The following PFKM variants were observed in gnomAD, a reference collection of about 807,000 sequenced individuals.
The protein encoded by PFKM is ATP-dependent 6-phosphofructokinase, muscle type.
PFKM carries 58 observed loss-of-function variants against 95.5 expected under a neutral mutation model. The ratio of observed to expected loss-of-function variants is 0.61; its 90% confidence interval spans 0.49 to 0.76. The LOEUF (loss-of-function observed/expected upper bound fraction) is 0.76, where lower values mean the gene tolerates loss of function less well. Ranked by LOEUF, PFKM falls within the 30% of genes least tolerant of loss-of-function variation. PFKM has a pLI of 0.00. For missense variants in PFKM, 678 were observed against 1,005.4 expected (o/e 0.67, Z 4.40); for synonymous variants, 336 against 357.2 (o/e 0.94, Z 0.67).
chr12:48,131,565 C>T, intron 4 of PFKM, 172 bp downstream of exon 4: 2 of 669,478 alleles, frequency 3.0e-6, no homozygotes, highest in South Asian at 1.6e-5. Flanking sequence ...AAATACCACC[C>T]TGGTTTCCTG....
At position 48,132,140 on chromosome 12, in the gene PFKM, C is replaced by G. The variant is rs559434129; in HGVS notation, c.238-728C>G. 8 of 452,574 alleles carry G rather than the reference C, an allele frequency of 1.8e-5. No homozygotes were observed. In the East Asian group the frequency reaches 3.5e-4, roughly 20 times the overall value. The allele number at this position is 452,574 out of a possible 1,614,324, so 28.0% of individuals were successfully genotyped here. A position where few individuals can be genotyped will look rare whatever the true frequency, so the allele number is the denominator to read the frequency against. ...TCTGAGAATGAGCCAGAATTCTCCACCAGTATCCCAAAGTCATGGCTGCCC... is the reference window on the plus strand; with the variant it reads ...TCTGAGAATGAGCCAGAATTCTCCAGCAGTATCCCAAAGTCATGGCTGCCC... On this transcript the variant is annotated intron_variant, in intron 4 of 22. Coordinates refer to ENST00000359794, the MANE Select transcript of PFKM (RefSeq NM_000289.6).
chr12:48,143,817 A>G lies in PFKM; in HGVS notation c.1880+3A>G. 6.2e-7 allele frequency: 1 copy of G among 1,606,790 alleles called. No individual in the cohort carries two copies. The highest frequency in any genetic ancestry group is 8.5e-7 in the Non-Finnish European group (1 of 1,173,194). ...GTGAAAAGGGGCTTGGTGTTAAGGT[A>G]CCTCATCCATGGTTTGTTCCTAAAT... On this transcript the variant is annotated splice_donor_region_variant and intron_variant, in intron 19 of 22. Transcript: ENST00000359794.
intron 11 of PFKM, 40 bp from the exon 12 acceptor site, chr12:48,139,245 T>C: frequency 6.6e-7 from 1 of 1,525,474 alleles, no homozygotes; most frequent in African/African-American, 1.4e-5. Flanking sequence ...TGCAGAATCC[T>C]GACCCTGGAG....
upstream of PFKM, among the ~76,000 whole-genome samples, chr12:48,116,871 A>G (rs1947727319): frequency 6.6e-6 from 1 of 152,262 alleles, no homozygotes; most frequent in Non-Finnish European, 1.5e-5. Context: ...GCTAAGTTCC[A>G]TAGTTTACAT....
Position 48,139,870 on chromosome 12 carries a change from G to A in PFKM, c.1149G>A (p.Glu383=), listed in dbSNP as rs765367927. The stretch of plus-strand genomic sequence containing the variant: ...ACAGGAGCTTCATGAACAACTGGGA[G>A]GTGTACAAGCTTCTAGCTCATGTCA... ...LRGRSFMNNW[E]VYKLLAHVRP... is the part of the protein sequence containing the mutation. The change falls in exon 13 of 23, where the codon GAG becomes GAA. Residue 383 remains glutamate, a synonymous_variant. Coordinates refer to ENST00000359794, the MANE Select transcript of PFKM (RefSeq NM_000289.6). 32 of 1,612,154 alleles carry A rather than the reference G, an allele frequency of 2.0e-5. No individual in the cohort carries two copies. The highest frequency in any genetic ancestry group is 2.5e-5 in the Non-Finnish European group (30 of 1,178,324).
chr12:48,106,078 GCAAAACCCGGGAAC>G, exon 1 of PFKM: 1 of 702,546 alleles, frequency 1.4e-6, no homozygotes, highest in Non-Finnish European at 2.6e-6. Flanking sequence ...GGCGCGGAAC[GCAAAACCCGGGAAC>G]CGCCGCGAAC....
upstream of PFKM, chr12:48,105,498 T>C: frequency 1.9e-6 from 1 of 519,106 alleles, no homozygotes; most frequent in Non-Finnish European, 3.8e-6. Flanking sequence ...ATGGTGGCAC[T>C]AGCGATATCA....
At chr12:48,131,436 T>C in intron 4 of PFKM, 43 bp downstream of exon 4, 1 of 1,370,960 alleles carries the variant, frequency 7.3e-7, no homozygotes, top group Non-Finnish European at 1.0e-6. Flanking sequence ...GCTCTGTCCT[T>C]GTTTCATCCC....
chr12:48,141,257 A>G (rs1950554820), intron 14 of PFKM, 54 bp from the exon 15 acceptor site: 1 of 1,526,696 alleles, frequency 6.6e-7, no homozygotes, highest in East Asian at 2.2e-5. Context: ...CCAGTCCCAC[A>G]CAGGCCTCCT....
At chr12:48,130,708 A>G (rs996679614) in intron 3 of PFKM, among the ~76,000 whole-genome samples, 3 of 152,232 alleles carry the variant, frequency 2.0e-5, no homozygotes, top group African/African-American at 7.2e-5. Flanking sequence ...CCCTCAAAAC[A>G]GAGAAAGAAA....
rs756212415 is a variant in PFKM, at chr12:48,141,899, C to T, written c.1501-15C>T. 27 of 1,613,972 alleles carry T rather than the reference C, an allele frequency of 1.7e-5. No individual in the cohort carries two copies. The Admixed American group carries it at 4.0e-4, about 24-fold the overall frequency. ...CCCTCTCCCCAATCCTGCCCTTGTG[C>T]TCTCTTCTTCTTAGGCTTACACAGG... is the stretch of plus-strand genomic sequence containing the variant. On this transcript the variant is annotated splice_polypyrimidine_tract_variant and intron_variant, in intron 16 of 22. Coordinates refer to ENST00000359794, the MANE Select transcript of PFKM (RefSeq NM_000289.6).
chr12:48,121,488 C>T (rs2137824941), intron 1 of PFKM, among the ~76,000 whole-genome samples: 1 of 152,318 alleles, frequency 6.6e-6, no homozygotes, highest in Middle Eastern at 3.4e-3. Context: ...ATATATGTCT[C>T]ATTGCATTAT....
At chr12:48,144,561 T>C (rs1030626134) in intron 20 of PFKM, among the ~76,000 whole-genome samples, 11 of 152,278 alleles carry the variant, frequency 7.2e-5, no homozygotes, top group African/African-American at 2.6e-4. Flanking sequence ...TCTCCAAACA[T>C]TCCCACTTTC....
chr12:48,120,865 A>C (rs1383170990), intron 1 of PFKM, among the ~76,000 whole-genome samples: 1 of 152,180 alleles, frequency 6.6e-6, no homozygotes, highest in African/African-American at 2.4e-5. Context: ...ATGCCACATA[A>C]AGCAGGCCGA....
At chr12:48,126,389 A>G (rs1948839081) in intron 2 of PFKM, among the ~76,000 whole-genome samples, 1 of 152,228 alleles carries the variant, frequency 6.6e-6, no homozygotes, top group Admixed American at 6.5e-5. Context: ...AGAGCATCCT[A>G]AAGTTTGGTT....
chr12:48,115,743 C>T (rs961168756), upstream of PFKM, among the ~76,000 whole-genome samples: 2 of 152,182 alleles, frequency 1.3e-5, no homozygotes, highest in African/African-American at 4.8e-5. Context: ...ATTGGTCACT[C>T]ATATTTGGCT....
intron 3 of PFKM, among the ~76,000 whole-genome samples, chr12:48,112,799 A>G (rs1012903279): frequency 7.9e-5 from 12 of 152,286 alleles, no homozygotes; most frequent in African/African-American, 2.6e-4. Context: ...AGGAGAGTTT[A>G]TAGGTTTTAA....
chr12:48,121,130 G>T (rs968311155), intron 1 of PFKM, among the ~76,000 whole-genome samples: 2 of 152,322 alleles, frequency 1.3e-5, no homozygotes, highest in Non-Finnish European at 2.9e-5. Context: ...CCAAAAGAAG[G>T]TTTCCTTGAC....
intron 10 of PFKM, chr12:48,137,251 C>T (rs560261804): frequency 4.8e-5 from 10 of 209,750 alleles, no homozygotes; most frequent in South Asian, 2.3e-4. Flanking sequence ...TTAGTAGAGA[C>T]GGGGTTCCAC....
Sources: allele counts gnomAD v4.1 joint callset (sites outside exome capture counted in the v4.1 genomes callset), GRCh38; gene constraint gnomAD v4.1.1; transcripts MANE v1.5; gene names NCBI Gene and HGNC (gene_info 2026-07-23, HGNC 2026-07-21).